Variants in CDH20 observed in about 807,000 individuals in gnomAD.
The protein encoded by CDH20 is cadherin 20, also known as cadherin-20.
In CDH20, 29 loss-of-function variants were observed where a neutral mutation model predicts 74.2. The observed-to-expected ratio is 0.39, with a 90% CI of 0.29 to 0.53. The LOEUF (loss-of-function observed/expected upper bound fraction) is 0.53, where lower values mean the gene tolerates loss of function less well. CDH20 is among the 20% of genes least tolerant of loss of function. The pLI is 0.69. For missense variants in CDH20, 988 were observed against 1,048.3 expected, an observed-to-expected ratio of 0.94 and a Z score of 0.79; for synonymous variants, 469 against 405.4, an observed-to-expected ratio of 1.16 and a Z score of -1.88.
chr18:61,534,697 C>T (rs1378812781), intron 7 of CDH20, among the ~76,000 whole-genome samples: 2 of 152,066 alleles, frequency 1.3e-5, no homozygotes, highest in Non-Finnish European at 2.9e-5. Flanking sequence ...GAAAGTCAAA[C>T]TCATAGAAGT....
intron 1 of CDH20, among the ~76,000 whole-genome samples, chr18:61,342,020 G>C (rs1909967577): frequency 6.6e-6 from 1 of 152,104 alleles, no homozygotes; most frequent in Non-Finnish European, 1.5e-5. Flanking sequence ...TTGGCAGTTA[G>C]CATCTCAGTG....
At chr18:61,413,752 T>C (rs1865784782) in intron 1 of CDH20, among the ~76,000 whole-genome samples, 1 of 151,932 alleles carries the variant, frequency 6.6e-6, no homozygotes, top group African/African-American at 2.4e-5. Context: ...CTGCAATGAA[T>C]GGAGTACTAA....
intron 3 of CDH20, 63 bp downstream of exon 3, chr18:61,499,543 C>CACAT: frequency 9.1e-6 from 11 of 1,207,864 alleles, no homozygotes; most frequent in South Asian, 1.4e-5. Context: ...CACACACACA[C>CACAT]ATATGCACAT....
intron 1 of CDH20, among the ~76,000 whole-genome samples, chr18:61,379,679 G>A (rs1333571353): frequency 6.6e-6 from 1 of 152,130 alleles, no homozygotes; most frequent in Non-Finnish European, 1.5e-5. Context: ...GGCCTTGCCT[G>A]CAAAACTATG....
Position 61,363,362 on chromosome 18 carries a change from G to A in CDH20, c.-153+29535G>A, listed in dbSNP as rs192050214. ...GGTACCCAAGAATTTTCCTGCTTAG[G>A]AATTCTACTCTCCATCAAGTAATAA... is the stretch of plus-strand genomic sequence containing the variant. On this transcript the variant is annotated intron_variant, in intron 1 of 11. Transcript: ENST00000262717. Among the ~76,000 whole-genome samples, 263 of 152,138 alleles carry A rather than the reference G, an allele frequency of 1.7e-3. 2 individuals carry two copies. Among genetic ancestry groups the A allele is most frequent in the African/African-American group, 6.2e-3 (258 of 41,506 alleles).
chr18:61,388,119 G>T (rs1335465087), intron 1 of CDH20, among the ~76,000 whole-genome samples: 1 of 152,194 alleles, frequency 6.6e-6, no homozygotes, highest in Non-Finnish European at 1.5e-5. Context: ...GGAAGGAGAA[G>T]ATTAATTCTG....
At chr18:61,397,290 T>C (rs1912016686) in intron 1 of CDH20, among the ~76,000 whole-genome samples, 3 of 152,238 alleles carry the variant, frequency 2.0e-5, no homozygotes, top group Admixed American at 2.0e-4. Flanking sequence ...TTTTATCTCA[T>C]CCAGGAGAAT....
At chr18:61,526,624 C>T (rs555202297) in intron 6 of CDH20, among the ~76,000 whole-genome samples, 1 of 151,844 alleles carries the variant, frequency 6.6e-6, no homozygotes, top group Admixed American at 6.6e-5. Flanking sequence ...CAGCTTTAAA[C>T]AACAATAGAT....
chr18:61,406,593 T>C (rs28454011), intron 1 of CDH20, among the ~76,000 whole-genome samples: 55,905 of 152,054 alleles, frequency 0.37, 10,793 homozygotes, highest in East Asian at 0.63. Flanking sequence ...CTCTGCAAGA[T>C]AGAAACAGGA....
chr18:61,553,457 T>C (rs941138084), intron 11 of CDH20, among the ~76,000 whole-genome samples: 2 of 152,170 alleles, frequency 1.3e-5, no homozygotes, highest in South Asian at 4.1e-4. Context: ...CATCTAACAG[T>C]GTGGTGTTTC....
chr18:61,461,596 T>C (rs1240150055), intron 1 of CDH20, among the ~76,000 whole-genome samples: 1 of 152,180 alleles, frequency 6.6e-6, no homozygotes, highest in African/African-American at 2.4e-5. Context: ...TTGTTACCAG[T>C]GGAGGGTGTC....
At chr18:61,354,565 C>T (rs891508808) in intron 1 of CDH20, among the ~76,000 whole-genome samples, 6 of 151,934 alleles carry the variant, frequency 3.9e-5, no homozygotes, top group East Asian at 3.9e-4. Context: ...GCCGAAATAG[C>T]ACCACTGCAC....
chr18:61,340,223 C>CCTCTTTTTTTTTTT (rs1909900923), intron 1 of CDH20, among the ~76,000 whole-genome samples: 1 of 18,810 alleles, frequency 5.3e-5, no homozygotes, highest in Admixed American at 6.3e-4. Context: ...AATCTTCAGC[C>CCTCTTTTTTTTTTT]TTCTTTTTTT....
At chr18:61,352,750 A>C (rs995806919) in intron 1 of CDH20, among the ~76,000 whole-genome samples, 2 of 152,338 alleles carry the variant, frequency 1.3e-5, no homozygotes, top group East Asian at 3.9e-4. Context: ...TGTTTTGACC[A>C]ATTCTTGAAA....
intron 1 of CDH20, among the ~76,000 whole-genome samples, chr18:61,395,193 T>A (rs1332062344): frequency 6.6e-6 from 1 of 152,160 alleles, no homozygotes; most frequent in South Asian, 2.1e-4. Flanking sequence ...TGGTAAAGAA[T>A]GCAGGCTCTG....
chr18:61,512,049 T>G (rs555556749), intron 6 of CDH20, among the ~76,000 whole-genome samples: 1 of 152,220 alleles, frequency 6.6e-6, no homozygotes, highest in Non-Finnish European at 1.5e-5. Flanking sequence ...TAATGTCATA[T>G]AAAATTGAAA....
chr18:61,353,273 C>T lies in CDH20; in HGVS notation c.-153+19446C>T, dbSNP rs1400574816. ...CTCTCTTGCATGATACACACCAATA[C>T]ACATTCTTTCCTTTGTTCTTATACT... On this transcript the variant is annotated intron_variant, in intron 1 of 11. Coordinates refer to ENST00000262717, the MANE Select transcript of CDH20 (RefSeq NM_031891.4). The surrounding 1 kb of genome is among the most constrained non-coding windows in gnomAD (Gnocchi z 4.6). 6.6e-6 allele frequency among the ~76,000 whole-genome samples: 1 copy of T among 152,200 alleles called. No individual in the cohort carries two copies. Among genetic ancestry groups the T allele is most frequent in the African/African-American group, 2.4e-5 (1 of 41,456 alleles).
At chr18:61,373,877 A>G (rs76439525) in intron 1 of CDH20, among the ~76,000 whole-genome samples, 1,597 of 152,252 alleles carry the variant, frequency 0.01, 23 homozygotes, top group African/African-American at 0.036. Flanking sequence ...CTCAAGGGAA[A>G]CAAGTTCCTC....
chr18:61,490,877 G>A, intron 2 of CDH20, 78 bp downstream of exon 2: 1 of 1,490,258 alleles, frequency 6.7e-7, no homozygotes, highest in Non-Finnish European at 9.3e-7. Context: ...AGTTGACCTA[G>A]CCTTTATCTG....
Sources: allele counts gnomAD v4.1 joint callset (sites outside exome capture counted in the v4.1 genomes callset), GRCh38; gene constraint gnomAD v4.1.1; non-coding constraint Gnocchi (gnomAD v3.1); transcripts MANE v1.5; gene names NCBI Gene and HGNC (gene_info 2026-07-23, HGNC 2026-07-21).